Variants in HIVEP1 observed in about 807,000 individuals in gnomAD.
HIVEP1 encodes the protein HIVEP zinc finger 1.
A neutral mutation model predicts 180.0 loss-of-function variants in HIVEP1; 36 were observed. The observed-to-expected ratio is 0.20, with a 90% CI of 0.15 to 0.26. HIVEP1 has a LOEUF of 0.26. HIVEP1 is among the 10% of genes least tolerant of loss of function. HIVEP1 has a pLI of 1.00. For missense variants in HIVEP1, 3,143 were observed against 3,268.7 expected (o/e 0.96, Z 0.94); for synonymous variants, 1,239 against 1,239.0 (o/e 1.00, Z 0.00).
At chr6:12,129,630 A>G (rs769610161) in intron 4 of HIVEP1, 129 bp from the exon 5 acceptor site, 19 of 756,598 alleles carry the variant, frequency 2.5e-5, no homozygotes, top group Non-Finnish European at 4.5e-5. Context: ...CTTTGAACCT[A>G]TTACTACTTT....
chr6:12,033,436 A>G (rs1166309957), intron 2 of HIVEP1, among the ~76,000 whole-genome samples: 1 of 152,156 alleles, frequency 6.6e-6, no homozygotes, highest in Non-Finnish European at 1.5e-5. Flanking sequence ...GAAGGGGCAA[A>G]GCAAGGTCTC....
rs562743793 is a variant in HIVEP1 at position 12,093,904 on chromosome 6, G to T, written c.94+4667G>T. On this transcript the variant is annotated intron_variant, in intron 3 of 8. Coordinates refer to ENST00000379388, the MANE Select transcript of HIVEP1 (RefSeq NM_002114.4). ...TTTCTAGTCCTTTGCTCATCTATTT[G>T]AATTTTAGAATCAGGTCTTTAAAAA... Among the ~76,000 whole-genome samples the T allele has an allele frequency of 3.7e-3, 567 of 151,988 alleles. 4 individuals are homozygous for T. Among genetic ancestry groups the T allele is most frequent in the African/African-American group, 0.013 (534 of 41,480 alleles).
At chr6:12,099,388 G>A (rs886961140) in intron 3 of HIVEP1, among the ~76,000 whole-genome samples, 2 of 151,914 alleles carry the variant, frequency 1.3e-5, no homozygotes, top group African/African-American at 2.4e-5. Flanking sequence ...GGATGGTCTC[G>A]ATCTCCTGAC....
At position 12,125,478 on chromosome 6, in the gene HIVEP1, A is replaced by C; in HGVS notation, c.5683A>C (p.Arg1895=). The C allele has an allele frequency of 3.1e-6, 5 of 1,614,118 alleles. No individual in the cohort carries two copies. Among genetic ancestry groups the C allele is most frequent in the Non-Finnish European group, 4.2e-6 (5 of 1,180,022 alleles). ...GAAATGTACAGACAATAACCAAGAA[A>C]GGAAGTCTCCAGGGGTTAAAAATCA... The part of the protein sequence containing the change: ...PLKCTDNNQE[R]KSPGVKNQGD... Residue 1895 remains arginine, a synonymous_variant, in exon 4 of 9, where the codon AGG becomes CGG. Transcript: ENST00000379388.
intron 2 of HIVEP1, among the ~76,000 whole-genome samples, chr6:12,084,674 C>CT (rs1244676583): frequency 1.3e-5 from 2 of 152,050 alleles, no homozygotes; most frequent in Non-Finnish European, 2.9e-5. Flanking sequence ...ATATGGTGAT[C>CT]TTTTTTCAAT....
At chr6:12,037,974 C>A (rs1463548368) in intron 2 of HIVEP1, 1 of 385,430 alleles carries the variant, frequency 2.6e-6, no homozygotes, top group Non-Finnish European at 4.6e-6. Flanking sequence ...GTTGGCCCCC[C>A]AAAGCACTGA....
downstream of HIVEP1, among the ~76,000 whole-genome samples, chr6:12,167,020 T>G (rs1020610594): frequency 6.6e-6 from 1 of 151,962 alleles, no homozygotes; most frequent in African/African-American, 2.4e-5. Context: ...TCCAATAACT[T>G]ATTTTCATTC....
At chr6:12,186,565 G>T in the HIVEP1 span, among the ~76,000 whole-genome samples, 1 of 147,814 alleles carries the variant, frequency 6.8e-6, no homozygotes, top group Admixed American at 6.7e-5. Flanking sequence ...AAAAAAAGGC[G>T]TATACTAACC....
the HIVEP1 span, among the ~76,000 whole-genome samples, chr6:12,170,431 C>T: frequency 9.9e-5 from 15 of 152,126 alleles, no homozygotes; most frequent in East Asian, 1.9e-4. Context: ...ATCCCTACGG[C>T]GTGCCATCTA....
At chr6:12,144,711 G>GATATGA (rs1449175794) in intron 7 of HIVEP1, among the ~76,000 whole-genome samples, 1 of 152,086 alleles carries the variant, frequency 6.6e-6, no homozygotes, top group Non-Finnish European at 1.5e-5. Flanking sequence ...GTGGGCAAAG[G>GATATGA]ATATGAACAG....
At chr6:12,056,082 T>C (rs1037301938) in intron 2 of HIVEP1, among the ~76,000 whole-genome samples, 4 of 152,182 alleles carry the variant, frequency 2.6e-5, no homozygotes, top group African/African-American at 9.7e-5. Context: ...AGTTTTATCC[T>C]TGATCTGGTA....
chr6:12,104,425 C>CTTTTTTT lies in HIVEP1; in HGVS notation c.94+15206_94+15212dup, dbSNP rs70981665. ...CTCTCTCTCTCTCTCCTTTTCTTTC[C>CTTTTTTT]TTTTTTTTTTTTTTTTTTTTTTTTC... is the stretch of plus-strand genomic sequence containing the variant. On this transcript the variant is annotated intron_variant, in intron 3 of 8. Transcript: ENST00000379388. 1.4e-3 allele frequency among the ~76,000 whole-genome samples: 101 copies of CTTTTTTT among 72,780 alleles called. 4 individuals carry two copies. Among genetic ancestry groups the CTTTTTTT allele is most frequent in the East Asian group, 3.6e-3 (9 of 2,486 alleles). The allele number at this position is 72,780 out of a possible 152,430, so 47.7% of individuals were successfully genotyped here.
intron 3 of HIVEP1, among the ~76,000 whole-genome samples, chr6:12,108,187 A>C (rs944693333): frequency 6.6e-6 from 1 of 152,198 alleles, no homozygotes; most frequent in African/African-American, 2.4e-5. Flanking sequence ...ACAAACCCTG[A>C]GCTAGACACA....
intron 2 of HIVEP1, among the ~76,000 whole-genome samples, chr6:12,078,319 G>A (rs994529298): frequency 2.6e-5 from 4 of 152,090 alleles, no homozygotes; most frequent in Non-Finnish European, 4.4e-5. Flanking sequence ...GCTTGGTGCT[G>A]CCCCGTCTCT....
intron 3 of HIVEP1, among the ~76,000 whole-genome samples, chr6:12,100,194 TAGAC>T (rs1774033872): frequency 6.6e-6 from 1 of 152,238 alleles, no homozygotes. Context: ...GTTCTGGTAA[TAGAC>T]AGTATTGCCC....
At chr6:12,011,538 A>C (rs3902984), upstream of HIVEP1, among the ~76,000 whole-genome samples, 81,996 of 145,506 alleles carry the variant, frequency 0.56, 23,064 homozygotes, top group Non-Finnish European at 0.62. Flanking sequence ...GTCGCGACCC[A>C]GGGCTCCCGC....
chr6:12,125,462 A>C lies in HIVEP1; in HGVS notation c.5667A>C (p.Thr1889=). The change falls in exon 4 of 9, where the codon ACA becomes ACC. Residue 1889 remains threonine (T), a synonymous_variant. Coordinates refer to ENST00000379388, the MANE Select transcript of HIVEP1 (RefSeq NM_002114.4). ...CTCATATTTCTCCTTTGAAATGTACAGACAATAACCAAGAAAGGAAGTCTC... is the reference window on the plus strand; with the variant it reads ...CTCATATTTCTCCTTTGAAATGTACCGACAATAACCAAGAAAGGAAGTCTC... The part of the protein sequence containing the change: ...ENTHISPLKC[T]DNNQERKSPG... 1 of 1,614,138 alleles carries C rather than the reference A, an allele frequency of 6.2e-7. No individual in the cohort carries two copies. The highest frequency in any genetic ancestry group is 8.5e-7 in the Non-Finnish European group (1 of 1,180,016).
At chr6:12,150,578 G>A (rs3777760) in intron 7 of HIVEP1, among the ~76,000 whole-genome samples, 42,316 of 151,844 alleles carry the variant, frequency 0.28, 6,440 homozygotes, top group Non-Finnish European at 0.35. Context: ...TATTATCATC[G>A]GGATTTTTAT....
intron 6 of HIVEP1, among the ~76,000 whole-genome samples, chr6:12,134,849 A>G (rs1758619150): frequency 2.0e-5 from 3 of 152,218 alleles, no homozygotes; most frequent in Non-Finnish European, 4.4e-5. Flanking sequence ...TACTGGTACT[A>G]TTTTGAGACT....
Sources: gnomAD v4.1 joint callset for allele counts (sites outside exome capture counted in the v4.1 genomes callset) on GRCh38, gnomAD v4.1.1 for gene constraint, MANE v1.5 for transcripts, NCBI Gene and HGNC (gene_info 2026-07-23, HGNC 2026-07-21) for gene names.